The following GFRA2 variants were observed in gnomAD, a reference collection of about 807,000 sequenced individuals.
GFRA2 encodes GDNF family receptor alpha-2.
GFRA2 carries 17 observed loss-of-function variants against 48.3 expected under a neutral mutation model. That is an observed-to-expected ratio of 0.35 (90% CI 0.24 to 0.53). The LOEUF (loss-of-function observed/expected upper bound fraction) is 0.53, where lower values mean the gene tolerates loss of function less well. Among genes scored for constraint, GFRA2 ranks in the 20% least tolerant of loss-of-function variants. The probability of loss-of-function intolerance (pLI) is 0.93; values close to 1 mark genes in which losing one functional copy is unlikely to be tolerated. For synonymous variants in GFRA2, 305 were observed against 257.2 expected (o/e 1.19, Z -1.78); for missense variants, 660 against 637.3 (o/e 1.04, Z -0.38).
At chr8:21,740,795 C>T (rs1019271180) in intron 4 of GFRA2, among the ~76,000 whole-genome samples, 4 of 152,252 alleles carry the variant, frequency 2.6e-5, no homozygotes, top group African/African-American at 7.2e-5. Flanking sequence ...GATTTATCTC[C>T]CGCCAGGCCT....
chr8:21,780,014 A>T, intron 2 of GFRA2, among the ~76,000 whole-genome samples: 2 of 147,780 alleles, frequency 1.4e-5, no homozygotes, highest in Admixed American at 6.7e-5. Flanking sequence ...CGCCATCACT[A>T]CTGTCCGATG....
At chr8:21,772,879 C>T (rs370708542) in intron 3 of GFRA2, among the ~76,000 whole-genome samples, 1,700 of 152,312 alleles carry the variant, frequency 0.011, 27 homozygotes, top group African/African-American at 0.037. Flanking sequence ...GCGAGGATCT[C>T]TACGCTTCAA....
At chr8:21,771,039 C>A (rs2117691075) in intron 3 of GFRA2, among the ~76,000 whole-genome samples, 1 of 152,324 alleles carries the variant, frequency 6.6e-6, no homozygotes, top group South Asian at 2.1e-4. Context: ...ACTGAGCACC[C>A]CAGGCAGACA....
intron 4 of GFRA2, among the ~76,000 whole-genome samples, chr8:21,708,605 G>C (rs1165582220): frequency 6.6e-6 from 1 of 152,154 alleles, no homozygotes; most frequent in African/African-American, 2.4e-5. Context: ...GTTAAGATGA[G>C]GTCACAGTGG....
At chr8:21,778,404 A>G (rs1302003811) in intron 2 of GFRA2, among the ~76,000 whole-genome samples, 1 of 152,176 alleles carries the variant, frequency 6.6e-6, no homozygotes, top group Non-Finnish European at 1.5e-5. Flanking sequence ...CCTACAGAGA[A>G]AAGATGCAGT....
At chr8:21,801,549 C>T (rs1807770617) in intron 2 of GFRA2, among the ~76,000 whole-genome samples, 1 of 149,448 alleles carries the variant, frequency 6.7e-6, no homozygotes, top group South Asian at 2.2e-4. Flanking sequence ...CCCACCCCAC[C>T]CACCCCCTTC....
intron 3 of GFRA2, among the ~76,000 whole-genome samples, chr8:21,759,495 AAGGAAGGAAG>A (rs1563252166): frequency 4.0e-5 from 5 of 124,460 alleles, no homozygotes; most frequent in East Asian, 2.5e-4. Flanking sequence ...AGAAGGAAGG[AAGGAAGGAAG>A]GAAGGAAGGA....
intron 4 of GFRA2, among the ~76,000 whole-genome samples, chr8:21,711,704 G>A (rs368718122): frequency 9.9e-6 from 1 of 101,082 alleles, no homozygotes; most frequent in Non-Finnish European, 2.0e-5. Flanking sequence ...TTTTTTTTTT[G>A]ATCATTCTTG....
chr8:21,790,762 A>T (rs1392545629), upstream of GFRA2, among the ~76,000 whole-genome samples: 1 of 152,212 alleles, frequency 6.6e-6, no homozygotes, highest in Non-Finnish European at 1.5e-5. Flanking sequence ...CCTCCCTGTC[A>T]TTCCTCCAAG....
At chr8:21,797,811 T>G (rs1807704703) in intron 2 of GFRA2, 1 of 152,196 alleles carries the variant, frequency 6.6e-6, no homozygotes, top group South Asian at 2.1e-4. Flanking sequence ...ATAACTCCCA[T>G]GTCCACAAGG....
chr8:21,702,754 C>G, intron 7 of GFRA2, 51 bp downstream of exon 7: 2 of 1,506,402 alleles, frequency 1.3e-6, no homozygotes, highest in Non-Finnish European at 8.9e-7. Flanking sequence ...ATTTCCCATG[C>G]CACTTCCGGT....
intron 5 of GFRA2, 68 bp downstream of exon 5, chr8:21,705,864 C>T (rs551510900): frequency 3.6e-5 from 38 of 1,062,114 alleles, no homozygotes; most frequent in South Asian, 3.3e-4. Flanking sequence ...AGCTGGGCTG[C>T]GGCCCCTGCC....
chr8:21,721,818 G>A (rs1169958098), intron 4 of GFRA2, among the ~76,000 whole-genome samples: 1 of 152,154 alleles, frequency 6.6e-6, no homozygotes, highest in African/African-American at 2.4e-5. Context: ...AGGAAGCAGG[G>A]AGGACCAGGC....
Position 21,750,948 on chromosome 8 carries a change from G to T in GFRA2, c.440-6C>A. The stretch of plus-strand genomic sequence containing the variant: ...CACCGGGTCTGCCCCTGTCCCTGGA[G>T]GAGGAACAAGAGAGCAGGTCAGAGG... On this transcript the variant is annotated splice_polypyrimidine_tract_variant and splice_region_variant and intron_variant, in intron 3 of 8. Transcript: ENST00000524240. This position sits in a 1 kb window ranked among gnomAD's most constrained non-coding sequence, Gnocchi z 5.7. 3 of 1,600,500 alleles carry T rather than the reference G, an allele frequency of 1.9e-6. No individual in the cohort carries two copies. The highest frequency in any genetic ancestry group is 1.1e-5 in the South Asian group (1 of 89,932).
In GFRA2 at chr8:21,770,963, G is replaced by C. The variant is rs899840083; in HGVS notation, c.439+4009C>G. 6.6e-5 allele frequency among the ~76,000 whole-genome samples: 10 copies of C among 152,074 alleles called. No homozygotes were observed. In the East Asian group the frequency reaches 1.9e-3, roughly 29 times the overall value. The stretch of plus-strand genomic sequence containing the variant: ...GCATTCACAGGGTCATGGAGCCTGG[G>C]GATGAGGAGGATGCTCCACTTCAGC... On this transcript the variant is annotated intron_variant, in intron 3 of 8. Transcript: ENST00000524240.
intron 4 of GFRA2, among the ~76,000 whole-genome samples, chr8:21,732,862 G>A (rs1046889005): frequency 1.3e-5 from 2 of 152,180 alleles, no homozygotes; most frequent in Non-Finnish European, 2.9e-5. Flanking sequence ...GCTGAGGAAT[G>A]GGCACTTCCA....
chr8:21,737,209 A>C (rs1483994840), intron 4 of GFRA2, among the ~76,000 whole-genome samples: 1 of 152,182 alleles, frequency 6.6e-6, no homozygotes, highest in African/African-American at 2.4e-5. Context: ...CTCTACTAAA[A>C]ATACAAAAAT....
At chr8:21,809,508 T>C (rs1807937485) in intron 1 of GFRA2, among the ~76,000 whole-genome samples, 1 of 152,034 alleles carries the variant, frequency 6.6e-6, no homozygotes, top group South Asian at 2.1e-4. Flanking sequence ...TTTGTATTTT[T>C]AGTAGAAAAG....
Position 21,788,703 on chromosome 8 carries a change from C to G in GFRA2, c.-544G>C. Reference sequence around the variant, plus strand: ...AGAGACTGGAGTCGCTTCTTTCGCACCAAGACGAAGACAAGATTCAAAAAA... The same window carrying G: ...AGAGACTGGAGTCGCTTCTTTCGCAGCAAGACGAAGACAAGATTCAAAAAA... On this transcript the variant is annotated 5_prime_UTR_variant, in exon 1 of 9. Transcript: ENST00000524240. 1.0e-6 allele frequency: 1 copy of G among 985,578 alleles called. No individual in the cohort carries two copies. Among genetic ancestry groups the G allele is most frequent in the Non-Finnish European group, 1.2e-6 (1 of 829,994 alleles). 61.1% of individuals were successfully genotyped at this position (985,578 alleles called of 1,614,324 possible). A position where few individuals can be genotyped will look rare whatever the true frequency, so the allele number is the denominator to read the frequency against.
Sources: allele counts gnomAD v4.1 joint callset (sites outside exome capture counted in the v4.1 genomes callset), GRCh38; gene constraint gnomAD v4.1.1; non-coding constraint Gnocchi (gnomAD v3.1); transcripts MANE v1.5; gene names NCBI Gene and HGNC (gene_info 2026-07-23, HGNC 2026-07-21).